Variants in THSD4 observed in about 807,000 individuals in gnomAD.
The protein encoded by THSD4 is thrombospondin type-1 domain-containing protein 4.
In THSD4, 69 loss-of-function variants were observed where a neutral mutation model predicts 119.0. The observed-to-expected ratio is 0.58, with a 90% CI of 0.48 to 0.71. The LOEUF (loss-of-function observed/expected upper bound fraction) is 0.71, where lower values mean the gene tolerates loss of function less well. Among genes scored for constraint, THSD4 ranks in the 30% least tolerant of loss-of-function variants. The pLI is 0.00. For synonymous variants in THSD4, 524 were observed against 540.4 expected (o/e 0.97, Z 0.42); for missense variants, 1,393 against 1,391.1 (o/e 1.00, Z -0.02).
intron 6 of THSD4, among the ~76,000 whole-genome samples, chr15:71,383,758 G>A (rs8031201): frequency 0.69 from 105,043 of 152,060 alleles, 37,027 homozygotes; most frequent in African/African-American, 0.82. Flanking sequence ...CAATACAATC[G>A]TAAAGAGTCA....
intron 3 of THSD4, among the ~76,000 whole-genome samples, chr15:71,192,010 C>T (rs1011724932): frequency 6.6e-6 from 1 of 151,148 alleles, no homozygotes; most frequent in African/African-American, 2.4e-5. Context: ...TGAAGCGATT[C>T]TCCTGTCTCA....
intron 10 of THSD4, among the ~76,000 whole-genome samples, chr15:71,736,553 C>T (rs572494649): frequency 2.0e-5 from 3 of 151,830 alleles, no homozygotes; most frequent in South Asian, 2.1e-4. Context: ...CTCTCTCTCT[C>T]GCTGTCTCTC....
At chr15:71,313,093 T>TC (rs1567191875) in intron 6 of THSD4, among the ~76,000 whole-genome samples, 2 of 151,870 alleles carry the variant, frequency 1.3e-5, no homozygotes, top group Admixed American at 6.6e-5. Context: ...AAGGTTTTTT[T>TC]CCTATGTGTT....
intron 7 of THSD4, among the ~76,000 whole-genome samples, chr15:71,487,306 A>C (rs1020756880): frequency 6.6e-6 from 1 of 152,228 alleles, no homozygotes; most frequent in Non-Finnish European, 1.5e-5. Flanking sequence ...TGTTGTAAGC[A>C]GGCAAGAAAT....
At chr15:71,472,063 C>T (rs1054939828) in intron 7 of THSD4, among the ~76,000 whole-genome samples, 3 of 152,070 alleles carry the variant, frequency 2.0e-5, no homozygotes, top group Non-Finnish European at 4.4e-5. Flanking sequence ...CACAGGCATG[C>T]ACCACCATGC....
intron 7 of THSD4, among the ~76,000 whole-genome samples, chr15:71,552,892 C>T (rs2048954124): frequency 6.6e-6 from 1 of 152,132 alleles, no homozygotes; most frequent in Non-Finnish European, 1.5e-5. Context: ...CCTTGGCCTC[C>T]CAAAGTGCTG....
In THSD4 at chr15:71,777,257, C is replaced by T; in HGVS notation, c.2940C>T (p.Tyr980=). The change falls in exon 18 of 18, where the codon TAC becomes TAT. Residue 980 remains tyrosine (Y), a synonymous_variant. Transcript: ENST00000261862. ...EVDENCKDKY[Y]NCNVVVQARL... ...ATGAAAACTGCAAGGACAAGTACTACAACTGCAACGTGGTGGTCCAGGCAA... is the reference window on the plus strand; with the variant it reads ...ATGAAAACTGCAAGGACAAGTACTATAACTGCAACGTGGTGGTCCAGGCAA... 9 of 1,614,212 alleles carry T rather than the reference C, an allele frequency of 5.6e-6. No individual in the cohort carries two copies. Among genetic ancestry groups the T allele is most frequent in the Non-Finnish European group, 7.6e-6 (9 of 1,180,034 alleles).
intron 8 of THSD4, among the ~76,000 whole-genome samples, chr15:71,708,209 G>T (rs1490960585): frequency 6.6e-6 from 1 of 152,216 alleles, no homozygotes; most frequent in Admixed American, 6.5e-5. Context: ...ACCTGCCAAG[G>T]CTGGGGAGGA....
chr15:71,541,058 CAT>C, intron 7 of THSD4, among the ~76,000 whole-genome samples: 1 of 152,178 alleles, frequency 6.6e-6, no homozygotes, highest in East Asian at 1.9e-4. Flanking sequence ...AATACATTCA[CAT>C]GTTTGACAGT....
chr15:71,275,397 C>G (rs2044578366), intron 6 of THSD4, among the ~76,000 whole-genome samples: 1 of 152,186 alleles, frequency 6.6e-6, no homozygotes, highest in Admixed American at 6.5e-5. Flanking sequence ...GCAGAGGTCA[C>G]CATGTTGTAA....
chr15:71,457,483 T>G (rs767581011), intron 7 of THSD4, among the ~76,000 whole-genome samples: 1 of 151,160 alleles, frequency 6.6e-6, no homozygotes, highest in Non-Finnish European at 1.5e-5. Context: ...TGAAATGCCG[T>G]CCAGTCTCCT....
At chr15:71,548,792 C>A (rs1238770949) in intron 7 of THSD4, among the ~76,000 whole-genome samples, 1 of 152,124 alleles carries the variant, frequency 6.6e-6, no homozygotes, top group East Asian at 1.9e-4. Flanking sequence ...AATGGGCTGG[C>A]CTCACTCAGC....
chr15:71,501,837 T>G (rs2140730900), intron 7 of THSD4, among the ~76,000 whole-genome samples: 1 of 152,304 alleles, frequency 6.6e-6, no homozygotes, highest in African/African-American at 2.4e-5. Context: ...AATTTTGATT[T>G]TGATGTGTCA....
chr15:71,204,077 T>G (rs549193870), intron 3 of THSD4, among the ~76,000 whole-genome samples: 2 of 152,300 alleles, frequency 1.3e-5, no homozygotes, highest in South Asian at 4.2e-4. Context: ...GTGGAGAGCA[T>G]GAGGCTATCA....
intron 8 of THSD4, among the ~76,000 whole-genome samples, chr15:71,678,087 T>A (rs1384902353): frequency 6.6e-6 from 1 of 152,210 alleles, no homozygotes; most frequent in Non-Finnish European, 1.5e-5. Flanking sequence ...GAATCCATTA[T>A]CTGCAAGTCC....
chr15:71,319,500 T>C (rs1001003369), intron 6 of THSD4, among the ~76,000 whole-genome samples: 2 of 151,290 alleles, frequency 1.3e-5, no homozygotes, highest in Admixed American at 1.3e-4. Context: ...CATGCGGTGT[T>C]CAGTTTTCTG....
intron 7 of THSD4, among the ~76,000 whole-genome samples, chr15:71,425,424 T>C (rs536480220): frequency 1.3e-5 from 2 of 152,220 alleles, no homozygotes; most frequent in Non-Finnish European, 2.9e-5. Context: ...CACCTCCTCT[T>C]TCCAAATGAC....
upstream of THSD4, chr15:71,112,239 AG>A (rs1171621267): frequency 6.2e-7 from 1 of 1,608,816 alleles, no homozygotes; most frequent in African/African-American, 1.3e-5. Context: ...CTGATCAGTG[AG>A]GTGGGGTGGT....
chr15:71,543,210 C>T (rs1407851204), intron 7 of THSD4, among the ~76,000 whole-genome samples: 2 of 152,152 alleles, frequency 1.3e-5, no homozygotes, highest in Admixed American at 1.3e-4. Flanking sequence ...CCATGATATT[C>T]TGTGCTGTCT....
Sources: allele counts gnomAD v4.1 joint callset (sites outside exome capture counted in the v4.1 genomes callset), GRCh38; gene constraint gnomAD v4.1.1; transcripts MANE v1.5; gene names NCBI Gene and HGNC (gene_info 2026-07-23, HGNC 2026-07-21).